Variants in ZFHX3 observed in about 807,000 individuals in gnomAD.
ZFHX3 encodes zinc finger homeobox protein 3.
ZFHX3 carries 42 observed loss-of-function variants against 279.1 expected under a neutral mutation model. The ratio of observed to expected loss-of-function variants is 0.15; its 90% CI spans 0.12 to 0.19. The LOEUF is 0.19. Among genes scored for constraint, ZFHX3 ranks in the 10% least tolerant of loss-of-function variants. The pLI is 1.00. For missense variants in ZFHX3, 4,981 were observed against 4,754.0 expected (o/e 1.05, Z -1.40); for synonymous variants, 2,293 against 1,957.8 (o/e 1.17, Z -4.52).
At chr16:73,536,589 C>A (rs2019905490) in intron 2 of ZFHX3, among the ~76,000 whole-genome samples, 1 of 152,148 alleles carries the variant, frequency 6.6e-6, no homozygotes, top group South Asian at 2.1e-4. Context: ...ATATGTTAAT[C>A]ATATTTTCAT....
At chr16:73,126,811 C>A (rs1966577388) in intron 7 of ZFHX3, 1 of 152,320 alleles carries the variant, frequency 6.6e-6, no homozygotes, top group Admixed American at 6.5e-5. Context: ...TGCTTGGTTG[C>A]CCAGCGACAA....
intron 1 of ZFHX3, among the ~76,000 whole-genome samples, chr16:72,978,459 G>A (rs1266483202): frequency 6.6e-6 from 1 of 152,068 alleles, no homozygotes; most frequent in Non-Finnish European, 1.5e-5. Context: ...AAACTTGCAG[G>A]CCATAAGCCT....
intron 2 of ZFHX3, among the ~76,000 whole-genome samples, chr16:73,512,172 G>A (rs541969279): frequency 4.0e-5 from 6 of 150,786 alleles, no homozygotes; most frequent in African/African-American, 9.8e-5. Flanking sequence ...GCTCATGCCT[G>A]TAATCCCAGC....
At chr16:72,923,406 C>T (rs968473612) in intron 3 of ZFHX3, among the ~76,000 whole-genome samples, 1 of 149,734 alleles carries the variant, frequency 6.7e-6, no homozygotes, top group Non-Finnish European at 1.5e-5. Context: ...GATCACACCA[C>T]TGCACTCCAG....
intron 1 of ZFHX3, among the ~76,000 whole-genome samples, chr16:73,874,374 C>T (rs1164101882): frequency 3.3e-5 from 5 of 152,234 alleles, no homozygotes; most frequent in East Asian, 3.9e-4. Context: ...ATTTAACCCC[C>T]GACTGAGTTC....
intron 6 of ZFHX3, among the ~76,000 whole-genome samples, chr16:73,143,490 GA>G (rs772252134): frequency 1.3e-5 from 2 of 152,162 alleles, no homozygotes; most frequent in East Asian, 3.9e-4. Context: ...GCTCAGCCAG[GA>G]AAGGTAAATG....
chr16:73,063,698 G>C (rs1256852691), upstream of ZFHX3, among the ~76,000 whole-genome samples: 1 of 152,160 alleles, frequency 6.6e-6, no homozygotes, highest in African/African-American at 2.4e-5. Context: ...TCCTGTCACA[G>C]TCCCCACAGT....
At chr16:73,248,455 A>G (rs952663624) in intron 5 of ZFHX3, among the ~76,000 whole-genome samples, 3 of 150,978 alleles carry the variant, frequency 2.0e-5, no homozygotes, top group Non-Finnish European at 4.4e-5. Flanking sequence ...TATGTGGAGT[A>G]TATGTGTATG....
chr16:73,687,572 G>A (rs532199946), intron 1 of ZFHX3, among the ~76,000 whole-genome samples: 3 of 151,910 alleles, frequency 2.0e-5, no homozygotes, highest in South Asian at 2.1e-4. Flanking sequence ...GACCGGGTGC[G>A]GTGGCTCACA....
At chr16:72,934,672 C>CCTGTGACTTGG (rs113839872) in intron 3 of ZFHX3, among the ~76,000 whole-genome samples, 1 of 152,054 alleles carries the variant, frequency 6.6e-6, no homozygotes, top group Non-Finnish European at 1.5e-5. Context: ...CCTTCACCTT[C>CCTGTGACTTGG]ATAACTCTTG....
In ZFHX3 at chr16:73,623,246, A is replaced by C. The variant is rs377386159; in HGVS notation, c.-1547+56934T>G. Among the ~76,000 whole-genome samples the C allele has an allele frequency of 4.6e-5, 7 of 152,122 alleles. No homozygotes were observed. The South Asian group carries it at 8.3e-4, about 18-fold the overall frequency. ...AGAGACGGAGTTTCACCATGTTAGC[A>C]AGGATGGTCTCAATCTCCTGACCTC... On this transcript the variant is annotated intron_variant, in intron 2 of 17. Transcript: ENST00000641206.
intron 4 of ZFHX3, among the ~76,000 whole-genome samples, chr16:72,882,987 T>G (rs1053985834): frequency 2.5e-4 from 14 of 55,966 alleles, no homozygotes; most frequent in South Asian, 1.4e-3. Flanking sequence ...GGTGTGTGTG[T>G]GTGTGTGTGT....
rs550343799 is a variant in ZFHX3, at chr16:72,957,539, G to A, written c.2607C>T (p.Asn869=). 10 of 1,614,210 alleles carry A rather than the reference G, an allele frequency of 6.2e-6. No individual in the cohort carries two copies. In the African/African-American group the frequency reaches 9.3e-5, roughly 15 times the overall value. ...AELYQYYLAQ[N]MNLPNLKMDS... ...CCATCTTCAGGTTGGGCAGGTTCAT[G>A]TTCTGGGCCAGGTAGTATTGGTAGA... The change falls in exon 2 of 10, where the codon AAC becomes AAT. Residue 869 remains asparagine, a synonymous_variant. Coordinates refer to ENST00000268489, the MANE Select transcript of ZFHX3 (RefSeq NM_006885.4).
chr16:73,880,679 G>A (rs1057148445), intron 1 of ZFHX3, among the ~76,000 whole-genome samples: 1 of 152,144 alleles, frequency 6.6e-6, no homozygotes, highest in South Asian at 2.1e-4. Context: ...CCCAGAAGGT[G>A]TGTGCAGTCT....
intron 8 of ZFHX3, among the ~76,000 whole-genome samples, chr16:73,085,675 A>G (rs913620184): frequency 6.6e-6 from 1 of 152,190 alleles, no homozygotes; most frequent in Non-Finnish European, 1.5e-5. Flanking sequence ...ATAAATAAAC[A>G]TCAATCAAAA....
chr16:72,900,136 C>CAAAAAAAA (rs10669734), intron 3 of ZFHX3, among the ~76,000 whole-genome samples: 3 of 63,364 alleles, frequency 4.7e-5, no homozygotes, highest in Non-Finnish European at 6.4e-5. Flanking sequence ...ATGCCCTTGC[C>CAAAAAAAA]AAAAAAAAAA....
rs766839957 is a variant in ZFHX3 at position 72,793,861 on chromosome 16, C to T, written c.8821G>A (p.Gly2941Arg). 54 of 1,614,056 alleles carry T rather than the reference C, an allele frequency of 3.3e-5. No individual in the cohort carries two copies. Among genetic ancestry groups the T allele is most frequent in the South Asian group, 6.6e-5 (6 of 91,070 alleles). Reference protein sequence around the residue: ...SGSAGKSGDSGDRPGQKRFRT... With the variant: ...SGSAGKSGDSRDRPGQKRFRT... ...AAACGTTTCTGCCCAGGCCGATCTC[C>T]GCTGTCACCAGATTTGCCTGCAGAT... is the stretch of plus-strand genomic sequence containing the variant. The change falls in exon 9 of 10, where the codon GGA (glycine) becomes AGA (arginine). Residue 2941 changes from glycine to arginine, a missense_variant. Physicochemically the swap from Gly to Arg is moderately radical, Grantham distance 125. Transcript: ENST00000268489. This position sits in a 1 kb window ranked among gnomAD's most constrained non-coding sequence, Gnocchi z 4.3.
chr16:73,384,651 CACTT>C (rs2016868632), intron 3 of ZFHX3, among the ~76,000 whole-genome samples: 1 of 152,206 alleles, frequency 6.6e-6, no homozygotes, highest in African/African-American at 2.4e-5. Context: ...TCATAGGCCT[CACTT>C]ACTGATAGGA....
chr16:73,122,677 G>T (rs1966514414), intron 7 of ZFHX3, among the ~76,000 whole-genome samples: 1 of 152,148 alleles, frequency 6.6e-6, no homozygotes, highest in Non-Finnish European at 1.5e-5. Flanking sequence ...TCCTAGTGGG[G>T]CACCAGATGG....
Sources: allele counts gnomAD v4.1 joint callset (sites outside exome capture counted in the v4.1 genomes callset), GRCh38; gene constraint gnomAD v4.1.1; non-coding constraint Gnocchi (gnomAD v3.1); transcripts MANE v1.5; gene names NCBI Gene and HGNC (gene_info 2026-07-23, HGNC 2026-07-21).